Variants in TSPAN1 observed in about 807,000 individuals in gnomAD.
TSPAN1 encodes the protein tetraspanin 1.
Under a neutral mutation model 26.9 loss-of-function variants are expected in TSPAN1, and 23 were observed. That is an observed-to-expected ratio of 0.85 (90% CI 0.62 to 1.21). The LOEUF is 1.21. TSPAN1 is among the 50% of genes most tolerant of loss of function. The pLI is 0.00. For synonymous variants in TSPAN1, 115 were observed against 114.8 expected (o/e 1.00, Z -0.01); for missense variants, 283 against 298.4 (o/e 0.95, Z 0.38).
chr1:46,184,130 T>C (rs1370722558), intron 3 of TSPAN1, 61 bp from the exon 4 acceptor site: 10 of 1,552,198 alleles, frequency 6.4e-6, no homozygotes, highest in Middle Eastern at 1.8e-4. Flanking sequence ...CTTACTCAGC[T>C]GTGTGGTAGT....
chr1:46,184,577 C>T lies in TSPAN1; in HGVS notation c.265-17C>T. The T allele has an allele frequency of 6.2e-7, 1 of 1,613,946 alleles. No homozygotes were observed. The highest frequency in any genetic ancestry group is 1.1e-5 in the South Asian group (1 of 91,076). On this transcript the variant is annotated splice_polypyrimidine_tract_variant and intron_variant, in intron 4 of 8. Coordinates refer to ENST00000372003, the MANE Select transcript of TSPAN1 (RefSeq NM_005727.4). The stretch of plus-strand genomic sequence containing the variant: ...GACTGTCTCTCCCTAAAACCCAGAC[C>T]CCTGTTCCCCACTCAGTTCTTCTTC...
At chr1:46,192,078 G>C in the TSPAN1 span, 1 of 1,609,950 alleles carries the variant, frequency 6.2e-7, no homozygotes, top group Admixed American at 1.7e-5. Flanking sequence ...ACTGTGCCCT[G>C]CTCCCTGCCT....
chr1:46,190,339 C>T (rs1657663946), downstream of TSPAN1: 16 of 1,232,386 alleles, frequency 1.3e-5, no homozygotes, highest in East Asian at 1.4e-4. Context: ...CCACCGCGCC[C>T]GGCCTGAAGT....
intron 1 of TSPAN1, chr1:46,176,077 G>T: frequency 2.4e-6 from 2 of 819,014 alleles, no homozygotes; most frequent in Non-Finnish European, 1.9e-6. Context: ...GGATTTCACC[G>T]TGTTAGCCAG....
At chr1:46,190,323 C>T (rs888049681), downstream of TSPAN1, 81 of 1,040,832 alleles carry the variant, frequency 7.8e-5, no homozygotes, top group Non-Finnish European at 1.1e-4. Context: ...GGATTACAGG[C>T]GTGAGCCACC....
chr1:46,193,474 C>T, the TSPAN1 span: 1 of 1,610,318 alleles, frequency 6.2e-7, no homozygotes. Context: ...TTTCACAGCC[C>T]TTGCCTGGGC....
At chr1:46,185,138 G>A in intron 7 of TSPAN1, 23 bp downstream of exon 7, 1 of 1,614,218 alleles carries the variant, frequency 6.2e-7, no homozygotes, top group Non-Finnish European at 8.5e-7. Context: ...ATGAGTGGGT[G>A]GGGACTGTTT....
chr1:46,194,635 C>G, the TSPAN1 span: 5 of 1,614,238 alleles, frequency 3.1e-6, no homozygotes, highest in Non-Finnish European at 4.2e-6. Context: ...TAGAATGTTT[C>G]TCCCCGAAGA....
chr1:46,175,525 C>T (rs982983242), intron 1 of TSPAN1, 116 bp downstream of exon 1: 10 of 398,704 alleles, frequency 2.5e-5, no homozygotes, highest in East Asian at 1.1e-4. Context: ...ACCACCCACA[C>T]GGCCCCTAGG....
the TSPAN1 span, chr1:46,193,604 G>C: frequency 9.3e-6 from 15 of 1,614,072 alleles, no homozygotes; most frequent in Non-Finnish European, 1.3e-5. Flanking sequence ...CATCTGAGGA[G>C]ACACCCCCTG....
chr1:46,186,473 T>TTTTTA, downstream of TSPAN1, among the ~76,000 whole-genome samples: 1 of 151,360 alleles, frequency 6.6e-6, no homozygotes, highest in South Asian at 2.1e-4. Flanking sequence ...ACCTCACCTC[T>TTTTTA]TTTTCTTTTC....
At chr1:46,188,609 T>C, downstream of TSPAN1, 3 of 1,492,148 alleles carry the variant, frequency 2.0e-6, no homozygotes, top group Non-Finnish European at 2.7e-6. Context: ...AAACTCACCA[T>C]CCAACACAAG....
chr1:46,176,787 ACACTGTGCTGAG>A (rs1296028185), intron 1 of TSPAN1, among the ~76,000 whole-genome samples: 4 of 152,248 alleles, frequency 2.6e-5, no homozygotes, highest in Admixed American at 1.3e-4. Flanking sequence ...TACGTGCCAG[ACACTGTGCTGAG>A]CACTTTACCA....
At chr1:46,188,767 G>A, downstream of TSPAN1, 1 of 1,612,858 alleles carries the variant, frequency 6.2e-7, no homozygotes, top group African/African-American at 1.3e-5. Flanking sequence ...GAGGAGGCCT[G>A]GTCCAGTGTC....
chr1:46,196,432 G>A, the TSPAN1 span, among the ~76,000 whole-genome samples: 1 of 152,248 alleles, frequency 6.6e-6, no homozygotes, highest in African/African-American at 2.4e-5. This position sits in a 1 kb window ranked among gnomAD's most constrained non-coding sequence, Gnocchi z 4.4. Context: ...GCACAAGGCT[G>A]AGGCCAAAGA....
chr1:46,177,657 A>G lies in TSPAN1; in HGVS notation c.-142+2248A>G, dbSNP rs557691674. Among the ~76,000 whole-genome samples, 44 of 152,380 alleles carry G rather than the reference A, an allele frequency of 2.9e-4. 1 individual carries two copies. Among genetic ancestry groups the G allele is most frequent in the Non-Finnish European group, 4.4e-5 (3 of 68,032 alleles). On this transcript the variant is annotated intron_variant, in intron 1 of 8. Coordinates refer to ENST00000372003, the MANE Select transcript of TSPAN1 (RefSeq NM_005727.4). ...TGTTTACTCTATGAAAACTGAAATA[A>G]GAAGACAGAGAGTCCTCTTGCTCAA...
chr1:46,191,409 G>A, the TSPAN1 span: 1 of 183,324 alleles, frequency 5.5e-6, no homozygotes, highest in African/African-American at 2.4e-5. Context: ...TCAGGCTGAA[G>A]CATAGGCTCC....
the TSPAN1 span, chr1:46,193,887 G>C: frequency 6.2e-7 from 1 of 1,614,198 alleles, no homozygotes; most frequent in Non-Finnish European, 8.5e-7. Flanking sequence ...TCCCTGCAAT[G>C]ACAGCCACAG....
chr1:46,176,269 G>GCT, intron 1 of TSPAN1: 1 of 1,535,786 alleles, frequency 6.5e-7, no homozygotes, highest in Non-Finnish European at 8.7e-7. Context: ...GTCAGTGTGG[G>GCT]TGTTGTTGAT....
Sources: gnomAD v4.1 joint callset for allele counts (sites outside exome capture counted in the v4.1 genomes callset) on GRCh38, gnomAD v4.1.1 for gene constraint, Gnocchi (gnomAD v3.1) non-coding constraint, MANE v1.5 for transcripts, NCBI Gene and HGNC (gene_info 2026-07-23, HGNC 2026-07-21) for gene names.